The following CAB39L variants were observed in gnomAD, a reference collection of about 807,000 sequenced individuals.
CAB39L encodes calcium binding protein 39 like, also known as calcium-binding protein 39-like.
Under a neutral mutation model 39.1 loss-of-function variants are expected in CAB39L, and 23 were observed. The ratio of observed to expected loss-of-function variants is 0.59; its 90% CI spans 0.42 to 0.83. The LOEUF (loss-of-function observed/expected upper bound fraction) is 0.83. Among genes scored for constraint, CAB39L ranks in the 40% least tolerant of loss-of-function variants. CAB39L has a pLI of 0.00. For synonymous variants in CAB39L, 126 were observed against 137.2 expected, an observed-to-expected ratio of 0.92 and a Z score of 0.57; for missense variants, 366 against 391.9, an observed-to-expected ratio of 0.93 and a Z score of 0.56.
At chr13:49,439,909 A>G (rs1412313519) in intron 1 of CAB39L, among the ~76,000 whole-genome samples, 1 of 79,488 alleles carries the variant, frequency 1.3e-5, no homozygotes, top group Admixed American at 1.2e-4. Context: ...TCTTTTGACC[A>G]CTTTTTAATG....
At chr13:49,386,966 T>A (rs13378954) in intron 3 of CAB39L, among the ~76,000 whole-genome samples, 82,907 of 151,988 alleles carry the variant, frequency 0.55, 24,021 homozygotes, top group African/African-American at 0.72. Flanking sequence ...TCCAATCACA[T>A]CATTTAGCCC....
chr13:49,351,785 C>T (rs1386715032), intron 6 of CAB39L, among the ~76,000 whole-genome samples: 1 of 152,088 alleles, frequency 6.6e-6, no homozygotes, highest in Non-Finnish European at 1.5e-5. Context: ...GAAGAGTCAA[C>T]AAGACTTGCT....
At chr13:49,381,887 C>T (rs1355681360) in intron 4 of CAB39L, among the ~76,000 whole-genome samples, 3 of 152,160 alleles carry the variant, frequency 2.0e-5, no homozygotes, top group Non-Finnish European at 4.4e-5. Flanking sequence ...CTAGGAGTGG[C>T]ACTGCAGGCA....
intron 4 of CAB39L, 53 bp downstream of exon 4, chr13:49,382,747 T>C: frequency 1.8e-6 from 2 of 1,083,694 alleles, no homozygotes; most frequent in East Asian, 4.8e-5. Context: ...ACATTGGTTT[T>C]TGGCATTGCG....
intron 3 of CAB39L, among the ~76,000 whole-genome samples, chr13:49,425,130 C>A (rs1957223720): frequency 6.7e-6 from 1 of 148,376 alleles, no homozygotes; most frequent in Non-Finnish European, 1.5e-5. Flanking sequence ...TAATATTTCA[C>A]AATGCACATG....
intron 3 of CAB39L, among the ~76,000 whole-genome samples, chr13:49,398,950 G>A (rs910383396): frequency 6.6e-6 from 1 of 152,032 alleles, no homozygotes; most frequent in Non-Finnish European, 1.5e-5. Flanking sequence ...CAGCAACCAA[G>A]TTATACCATG....
chr13:49,420,092 AG>A (rs1435866700), intron 3 of CAB39L, among the ~76,000 whole-genome samples: 1 of 152,230 alleles, frequency 6.6e-6, no homozygotes, highest in Non-Finnish European at 1.5e-5. Flanking sequence ...AGTTTAAGGA[AG>A]TTGCAGACAT....
intron 3 of CAB39L, among the ~76,000 whole-genome samples, chr13:49,415,796 G>A (rs1398879908): frequency 6.6e-6 from 1 of 152,066 alleles, no homozygotes; most frequent in Non-Finnish European, 1.5e-5. Context: ...ATAATGCTTT[G>A]TACACGGTAG....
At chr13:49,389,742 T>A (rs1254670830) in intron 3 of CAB39L, among the ~76,000 whole-genome samples, 1 of 152,238 alleles carries the variant, frequency 6.6e-6, no homozygotes, top group Non-Finnish European at 1.5e-5. Context: ...AAGTTTTTAT[T>A]CCAGTTTATA....
intron 1 of CAB39L, among the ~76,000 whole-genome samples, chr13:49,438,944 A>C (rs151063272): frequency 2.4e-4 from 36 of 152,358 alleles, no homozygotes; most frequent in Non-Finnish European, 5.1e-4. Context: ...TAAAGTATTC[A>C]ATAAGTGGCA....
intron 1 of CAB39L, among the ~76,000 whole-genome samples, chr13:49,440,392 G>C (rs1006861789): frequency 2.0e-5 from 3 of 151,986 alleles, no homozygotes; most frequent in African/African-American, 7.2e-5. Flanking sequence ...TGTCAATTTT[G>C]TTGACCAGAT....
intron 3 of CAB39L, among the ~76,000 whole-genome samples, chr13:49,419,716 A>G (rs1168771783): frequency 6.6e-6 from 1 of 152,242 alleles, no homozygotes; most frequent in Non-Finnish European, 1.5e-5. Flanking sequence ...TTATTATTTT[A>G]ATCTATTTGG....
At chr13:49,321,378 A>G (rs145771380) in intron 10 of CAB39L, among the ~76,000 whole-genome samples, 98 of 152,352 alleles carry the variant, frequency 6.4e-4, no homozygotes, top group African/African-American at 2.3e-3. Flanking sequence ...AAAGATAGAT[A>G]TCATCTGCTG....
At chr13:49,410,517 G>T (rs949449865) in intron 3 of CAB39L, among the ~76,000 whole-genome samples, 1 of 152,174 alleles carries the variant, frequency 6.6e-6, no homozygotes, top group African/African-American at 2.4e-5. Context: ...AGTACAACTT[G>T]TAAGCTGGTG....
chr13:49,356,654 G>A (rs1566086580), intron 6 of CAB39L, among the ~76,000 whole-genome samples: 1 of 152,148 alleles, frequency 6.6e-6, no homozygotes, highest in Non-Finnish European at 1.5e-5. Flanking sequence ...TGTTTGATGT[G>A]TAAATGTACC....
rs556510723 is a variant in CAB39L at position 49,402,723 on chromosome 13, A to T, written c.-31-19782T>A. Among the ~76,000 whole-genome samples the T allele has an allele frequency of 3.3e-5, 5 of 152,288 alleles. 1 individual carries two copies. Among genetic ancestry groups the T allele is most frequent in the African/African-American group, 1.2e-4 (5 of 41,566 alleles). On this transcript the variant is annotated intron_variant, in intron 3 of 10. Transcript: ENST00000409308. ...AATAAGTCAGTAAAAGTCGGCCTTA[A>T]AATATAGGTGTTTTGATCTCGTTTA...
chr13:49,355,943 C>T (rs968436472), intron 6 of CAB39L, among the ~76,000 whole-genome samples: 1 of 152,094 alleles, frequency 6.6e-6, no homozygotes, highest in African/African-American at 2.4e-5. Context: ...TCAGAGTATT[C>T]TAACACCTGA....
At chr13:49,398,690 C>T (rs1566117431) in intron 3 of CAB39L, among the ~76,000 whole-genome samples, 1 of 152,010 alleles carries the variant, frequency 6.6e-6, no homozygotes, top group African/African-American at 2.4e-5. Flanking sequence ...ATGCATATTG[C>T]ATTACTGACT....
chr13:49,353,122 T>G (rs542175785), intron 6 of CAB39L, among the ~76,000 whole-genome samples: 23 of 152,364 alleles, frequency 1.5e-4, no homozygotes, highest in Middle Eastern at 3.4e-3. Context: ...TAACTCATAG[T>G]AACATTAAAT....
Sources: allele counts gnomAD v4.1 joint callset (sites outside exome capture counted in the v4.1 genomes callset), GRCh38; gene constraint gnomAD v4.1.1; transcripts MANE v1.5; gene names NCBI Gene and HGNC (gene_info 2026-07-23, HGNC 2026-07-21).